CNKSR3: variants seen among roughly 807,000 people sequenced by gnomAD.
CNKSR3 encodes the protein connector enhancer of kinase suppressor of ras 3.
CNKSR3 carries 36 observed loss-of-function variants against 67.7 expected under a neutral mutation model. The ratio of observed to expected loss-of-function variants is 0.53; its 90% CI spans 0.41 to 0.70. The LOEUF is 0.70. CNKSR3 is among the 30% of genes least tolerant of loss of function. The pLI is 0.00. For synonymous variants in CNKSR3, 281 were observed against 271.4 expected (o/e 1.04, Z -0.35); for missense variants, 630 against 695.2 (o/e 0.91, Z 1.05).
At chr6:154,444,100 TA>T (rs1392748165) in intron 2 of CNKSR3, among the ~76,000 whole-genome samples, 8 of 152,274 alleles carry the variant, frequency 5.3e-5, no homozygotes, top group Admixed American at 3.3e-4. Flanking sequence ...TCATCATTTT[TA>T]AAAAAACATG....
intron 1 of CNKSR3, among the ~76,000 whole-genome samples, chr6:154,493,429 C>A (rs762911449): frequency 2.6e-5 from 4 of 152,160 alleles, no homozygotes; most frequent in Non-Finnish European, 5.9e-5. Flanking sequence ...ACATCCTCAG[C>A]TCTCAGAACA....
chr6:154,467,257 C>T (rs1459467379), intron 1 of CNKSR3, among the ~76,000 whole-genome samples: 7 of 152,204 alleles, frequency 4.6e-5, no homozygotes, highest in Non-Finnish European at 8.8e-5. Context: ...TGGAGAGGCA[C>T]GGCACTGCCA....
chr6:154,442,724 C>T lies in CNKSR3; in HGVS notation c.217-434G>A, dbSNP rs112439703. Among the ~76,000 whole-genome samples, 508 of 152,176 alleles carry T rather than the reference C, an allele frequency of 3.3e-3. 2 individuals carry two copies. Among genetic ancestry groups the T allele is most frequent in the Non-Finnish European group, 6.4e-3 (435 of 67,986 alleles). ...AAAAACCTTACAACAACCACAAAACCCTATGTGATCTATCCCCAGCCCACT... is the reference window on the plus strand; with the variant it reads ...AAAAACCTTACAACAACCACAAAACTCTATGTGATCTATCCCCAGCCCACT... On this transcript the variant is annotated intron_variant, in intron 2 of 12. Transcript: ENST00000607772.
rs1784772788 is a variant in CNKSR3, at chr6:154,405,664, T to TAAC, written c.*687_*689dup. ...CTTTTCCCTTAAAGACAATAATATA[T>TAAC]AACAACACCACCCCACACAAATAAC... On this transcript the variant is annotated 3_prime_UTR_variant, in exon 13 of 13. Transcript: ENST00000607772. 1.3e-5 allele frequency: 2 copies of TAAC among 152,208 alleles called. No homozygotes were observed. The highest frequency in any genetic ancestry group is 4.8e-5 in the African/African-American group (2 of 41,454). 9.4% of individuals were successfully genotyped at this position (152,208 alleles called of 1,614,324 possible). A position where few individuals can be genotyped will look rare whatever the true frequency, so the allele number is the denominator to read the frequency against.
At chr6:154,458,343 A>G (rs1786001863) in intron 1 of CNKSR3, among the ~76,000 whole-genome samples, 1 of 152,146 alleles carries the variant, frequency 6.6e-6, no homozygotes, top group Non-Finnish European at 1.5e-5. Context: ...CACTGAATTT[A>G]AAACCATAGA....
rs1281061664 is a variant in CNKSR3, at chr6:154,402,295, C to G, written c.*4059G>C. The G allele has an allele frequency of 6.6e-6, 1 of 152,228 alleles. No homozygotes were observed. 9.4% of individuals were successfully genotyped at this position (152,228 alleles called of 1,614,324 possible). Reference sequence around the variant, plus strand: ...TCACAACAAAGAGCTGACTCATCAACACAACTTTCAATTGCCCCGCCCAAT... The same window carrying G: ...TCACAACAAAGAGCTGACTCATCAAGACAACTTTCAATTGCCCCGCCCAAT... On this transcript the variant is annotated 3_prime_UTR_variant, in exon 13 of 13. Coordinates refer to ENST00000607772, the MANE Select transcript of CNKSR3 (RefSeq NM_173515.4).
chr6:154,450,167 C>A lies in CNKSR3; in HGVS notation c.144G>T (p.Leu48=). The change falls in exon 2 of 13, where the codon CTG becomes CTT. Residue 48 remains leucine, a synonymous_variant. Coordinates refer to ENST00000607772, the MANE Select transcript of CNKSR3 (RefSeq NM_173515.4). ...EQLLQISHQD[L]EELGVTRIGH... is the part of the protein sequence containing the mutation. The stretch of plus-strand genomic sequence containing the variant: ...CAATCCGTGTGACCCCCAGCTCCTC[C>A]AGGTCCTGATGGGAAATCTGCAGCA... 1 of 1,614,204 alleles carries A rather than the reference C, an allele frequency of 6.2e-7. No homozygotes were observed. Among genetic ancestry groups the A allele is most frequent in the Non-Finnish European group, 8.5e-7 (1 of 1,180,022 alleles).
chr6:154,441,382 A>G lies in CNKSR3; in HGVS notation c.420-3T>C, dbSNP rs779716744. 1.9e-6 allele frequency: 3 copies of G among 1,611,486 alleles called. No homozygotes were observed. In the Admixed American group the frequency reaches 5.0e-5, roughly 27 times the overall value. ...CAGTGATCCCTGTAAACGGAGCCCT[A>G]GAAGGTAGCAACAATCCTCTTAAAA... On this transcript the variant is annotated splice_polypyrimidine_tract_variant and splice_region_variant and intron_variant, in intron 3 of 12. Transcript: ENST00000607772.
At chr6:154,482,128 T>C (rs1786579103) in intron 1 of CNKSR3, among the ~76,000 whole-genome samples, 1 of 152,228 alleles carries the variant, frequency 6.6e-6, no homozygotes, top group Non-Finnish European at 1.5e-5. Context: ...ATAGGCTTTG[T>C]AAAATTATGA....
At chr6:154,493,363 C>A (rs1245034028) in intron 1 of CNKSR3, among the ~76,000 whole-genome samples, 1 of 152,220 alleles carries the variant, frequency 6.6e-6, no homozygotes, top group Non-Finnish European at 1.5e-5. Flanking sequence ...TCTTTCTACC[C>A]TACCAGAATA....
At chr6:154,495,008 G>A (rs1177893951) in intron 1 of CNKSR3, among the ~76,000 whole-genome samples, 3 of 152,280 alleles carry the variant, frequency 2.0e-5, no homozygotes, top group Admixed American at 6.5e-5. Context: ...TTTTGTAGTC[G>A]ATGACTTAGG....
At chr6:154,425,496 T>C (rs1271265659) in intron 7 of CNKSR3, among the ~76,000 whole-genome samples, 1 of 152,146 alleles carries the variant, frequency 6.6e-6, no homozygotes, top group East Asian at 1.9e-4. Flanking sequence ...AAAATGATGC[T>C]TGTGTTGGTT....
rs570793960 is a variant in CNKSR3, at chr6:154,399,418, A to G, written c.*6936T>C. On this transcript the variant is annotated 3_prime_UTR_variant, in exon 13 of 13. Transcript: ENST00000607772. ...AAAAACATTATCTCATTTAATCACC[A>G]TAAGCCTTCGAAGTAGATGCTAGTA... The G allele has an allele frequency of 6.6e-6, 1 of 152,294 alleles. No homozygotes were observed. Among genetic ancestry groups the G allele is most frequent in the Admixed American group, 6.5e-5 (1 of 15,300 alleles). 9.4% of individuals were successfully genotyped at this position (152,294 alleles called of 1,614,324 possible).
At chr6:154,476,457 CAAAAAAA>C (rs11332561) in intron 1 of CNKSR3, among the ~76,000 whole-genome samples, 1 of 110,818 alleles carries the variant, frequency 9.0e-6, no homozygotes, top group Non-Finnish European at 2.0e-5. Context: ...AACTATGTCT[CAAAAAAA>C]AAAAAAAAAA....
intron 9 of CNKSR3, among the ~76,000 whole-genome samples, chr6:154,421,250 G>C (rs1785138009): frequency 6.6e-6 from 1 of 152,184 alleles, no homozygotes; most frequent in Non-Finnish European, 1.5e-5. Flanking sequence ...CTAACCTCAA[G>C]TGATCCACCC....
intron 1 of CNKSR3, among the ~76,000 whole-genome samples, chr6:154,456,020 AAAC>A (rs748421279): frequency 3.9e-5 from 6 of 152,154 alleles, no homozygotes; most frequent in Non-Finnish European, 5.9e-5. Flanking sequence ...ACAAAAAACA[AAAC>A]AACAACAACA....
chr6:154,467,363 G>T (rs1421724102), intron 1 of CNKSR3, among the ~76,000 whole-genome samples: 1 of 152,122 alleles, frequency 6.6e-6, no homozygotes, highest in Non-Finnish European at 1.5e-5. Flanking sequence ...TATTTATTTA[G>T]CCAGGACATA....
At chr6:154,468,319 G>A (rs976521885) in intron 1 of CNKSR3, among the ~76,000 whole-genome samples, 2 of 149,742 alleles carry the variant, frequency 1.3e-5, no homozygotes, top group African/African-American at 4.9e-5. Flanking sequence ...GCCTCAAGCA[G>A]TCCACCCTCC....
chr6:154,409,678 C>A (rs145455389), intron 12 of CNKSR3, among the ~76,000 whole-genome samples: 347 of 152,072 alleles, frequency 2.3e-3, no homozygotes, highest in Admixed American at 5.9e-3. Flanking sequence ...CATAGTAAGA[C>A]CCCATCTCAA....
Sources: gnomAD v4.1 joint callset for allele counts (sites outside exome capture counted in the v4.1 genomes callset) on GRCh38, gnomAD v4.1.1 for gene constraint, MANE v1.5 for transcripts, NCBI Gene and HGNC (gene_info 2026-07-23, HGNC 2026-07-21) for gene names.